Variants in AGMO observed in about 807,000 individuals in gnomAD.
AGMO encodes alkylglycerol monooxygenase, also known as glyceryl-ether monooxygenase.
A neutral mutation model predicts 60.2 loss-of-function variants in AGMO; 75 were observed. That is an observed-to-expected ratio of 1.25 (90% CI 1.03 to 1.51). AGMO has a LOEUF of 1.51. AGMO is among the 40% of genes most tolerant of loss of function. The pLI, the probability that AGMO is intolerant of heterozygous loss-of-function variation, is 0.00. For missense variants in AGMO, 763 were observed against 525.5 expected (o/e 1.45, Z -4.42); for synonymous variants, 261 against 177.1 (o/e 1.47, Z -3.76).
intron 2 of AGMO, among the ~76,000 whole-genome samples, chr7:15,549,657 A>T (rs1784888382): frequency 6.7e-6 from 1 of 149,832 alleles, no homozygotes; most frequent in African/African-American, 2.5e-5. Flanking sequence ...GAGCACCCAG[A>T]TTCATAAAGC....
chr7:15,166,015 A>C, the AGMO span, among the ~76,000 whole-genome samples: 12 of 152,216 alleles, frequency 7.9e-5, no homozygotes, highest in African/African-American at 2.9e-4. Flanking sequence ...ATAATTGTGT[A>C]CCTACCATGT....
At chr7:15,236,259 TAAC>T (rs1398812475) in intron 12 of AGMO, among the ~76,000 whole-genome samples, 5 of 152,122 alleles carry the variant, frequency 3.3e-5, no homozygotes, top group Non-Finnish European at 5.9e-5. Flanking sequence ...TAGAAATAAT[TAAC>T]AAGATTTTAT....
intron 3 of AGMO, among the ~76,000 whole-genome samples, chr7:15,531,852 A>C (rs1784376300): frequency 6.6e-6 from 1 of 151,334 alleles, no homozygotes; most frequent in African/African-American, 2.4e-5. Flanking sequence ...TCTTTTTAGT[A>C]GAGACAGGGT....
chr7:15,304,626 T>G (rs2128527905), intron 12 of AGMO, among the ~76,000 whole-genome samples: 1 of 151,980 alleles, frequency 6.6e-6, no homozygotes. Flanking sequence ...AGGGTTCGGT[T>G]TATCTGTTTC....
intron 9 of AGMO, among the ~76,000 whole-genome samples, 180 bp downstream of exon 9, chr7:15,387,226 C>T (rs1044876307): frequency 6.6e-6 from 1 of 152,220 alleles, no homozygotes; most frequent in Admixed American, 6.5e-5. Flanking sequence ...AGAAGGCACT[C>T]CTTTAATTGG....
intron 12 of AGMO, among the ~76,000 whole-genome samples, chr7:15,303,127 T>C (rs921319065): frequency 1.3e-5 from 2 of 151,836 alleles, no homozygotes; most frequent in African/African-American, 4.8e-5. Context: ...CAGATGGTTT[T>C]GAAAAAAAAG....
At chr7:15,344,607 A>T (rs543025951) in intron 12 of AGMO, among the ~76,000 whole-genome samples, 1 of 152,146 alleles carries the variant, frequency 6.6e-6, no homozygotes, top group Admixed American at 6.5e-5. Flanking sequence ...CTAAAGTGTA[A>T]GGATTGCTGG....
At chr7:15,556,616 T>C (rs1174397940) in intron 2 of AGMO, among the ~76,000 whole-genome samples, 1 of 152,036 alleles carries the variant, frequency 6.6e-6, no homozygotes, top group African/African-American at 2.4e-5. Context: ...GGATTGGAAA[T>C]TGAGTTCTGC....
chr7:15,229,800 C>T (rs1427443433), intron 12 of AGMO, among the ~76,000 whole-genome samples: 1 of 148,314 alleles, frequency 6.7e-6, no homozygotes, highest in Non-Finnish European at 1.5e-5. Context: ...GTGTGCTCTG[C>T]AAATCAAACC....
At chr7:15,161,875 G>A in the AGMO span, among the ~76,000 whole-genome samples, 4 of 152,024 alleles carry the variant, frequency 2.6e-5, no homozygotes, top group South Asian at 2.1e-4. Flanking sequence ...TCTTCATGAA[G>A]ATAATTGTTT....
At chr7:15,468,915 C>T (rs1417270944) in intron 3 of AGMO, among the ~76,000 whole-genome samples, 1 of 151,718 alleles carries the variant, frequency 6.6e-6, no homozygotes. Context: ...TTTCCAATAT[C>T]TACTTTTATA....
intron 12 of AGMO, among the ~76,000 whole-genome samples, chr7:15,336,849 G>C (rs1232060021): frequency 2.0e-5 from 3 of 152,108 alleles, no homozygotes; most frequent in African/African-American, 7.2e-5. Context: ...GGCAAATCAA[G>C]ATGGCCTAAA....
At chr7:15,250,314 G>C (rs907437190) in intron 12 of AGMO, among the ~76,000 whole-genome samples, 10 of 152,088 alleles carry the variant, frequency 6.6e-5, no homozygotes, top group Non-Finnish European at 1.2e-4. Context: ...TAGACAATTA[G>C]TCTTCCTTGT....
intron 12 of AGMO, among the ~76,000 whole-genome samples, chr7:15,325,340 CT>C (rs1191586065): frequency 6.6e-6 from 1 of 152,042 alleles, no homozygotes; most frequent in Non-Finnish European, 1.5e-5. Context: ...ATTAGCATTT[CT>C]ACATTTAATA....
chr7:15,194,375 T>TAA, the AGMO span, among the ~76,000 whole-genome samples: 1 of 151,010 alleles, frequency 6.6e-6, no homozygotes. Flanking sequence ...TAAGTAAAAT[T>TAA]AAAAAAAAAG....
chr7:15,500,635 C>T (rs1783358806), intron 3 of AGMO, among the ~76,000 whole-genome samples: 1 of 151,802 alleles, frequency 6.6e-6, no homozygotes, highest in African/African-American at 2.4e-5. Context: ...AAGAAAAGAA[C>T]CAACTTCTGA....
intron 5 of AGMO, among the ~76,000 whole-genome samples, chr7:15,409,698 G>C (rs1784789447): frequency 1.3e-5 from 2 of 151,678 alleles, no homozygotes; most frequent in Admixed American, 1.3e-4. Context: ...AGCAATTTTT[G>C]CTTGCACGTA....
rs555461720 is a variant in AGMO, at chr7:15,214,255, A to T, written c.1264-12896T>A. 8.4e-4 allele frequency among the ~76,000 whole-genome samples: 128 copies of T among 152,114 alleles called. 2 individuals carry two copies. The highest frequency in any genetic ancestry group is 2.9e-3 in the African/African-American group (120 of 41,564). On this transcript the variant is annotated intron_variant, in intron 12 of 12. Coordinates refer to ENST00000342526, the MANE Select transcript of AGMO (RefSeq NM_001004320.2). ...CTTTGGGACACTACGAATTTTCAGA[A>T]AGTATCTTTGTAGCTGAAAATGTGT...
chr7:15,149,331 C>T, the AGMO span, among the ~76,000 whole-genome samples: 3 of 152,180 alleles, frequency 2.0e-5, no homozygotes, highest in Non-Finnish European at 4.4e-5. Context: ...TTAGGCCCCA[C>T]TTATCTATTT....
Sources: allele counts gnomAD v4.1 joint callset (sites outside exome capture counted in the v4.1 genomes callset), GRCh38; gene constraint gnomAD v4.1.1; transcripts MANE v1.5; gene names NCBI Gene and HGNC (gene_info 2026-07-23, HGNC 2026-07-21).